CMIP: variants seen among roughly 807,000 people sequenced by gnomAD.
CMIP encodes the protein C-Maf-inducing protein.
CMIP carries 13 observed loss-of-function variants against 97.3 expected under a neutral mutation model. The observed-to-expected ratio is 0.13, with a 90% CI of 0.09 to 0.21. The LOEUF (loss-of-function observed/expected upper bound fraction) is 0.21, where lower values mean the gene tolerates loss of function less well. Ranked by LOEUF, CMIP falls within the 10% of genes least tolerant of loss-of-function variation. The pLI is 1.00. For synonymous variants in CMIP, 538 were observed against 436.3 expected (o/e 1.23, Z -2.91); for missense variants, 847 against 1,024.9 (o/e 0.83, Z 2.37).
At chr16:81,498,455 G>A (rs984093048) in intron 1 of CMIP, among the ~76,000 whole-genome samples, 23 of 152,190 alleles carry the variant, frequency 1.5e-4, no homozygotes, top group Non-Finnish European at 1.2e-4. Flanking sequence ...GGGCTGCTCG[G>A]CAGCTCTGAG....
chr16:81,551,181 T>C (rs1461434513), intron 1 of CMIP, among the ~76,000 whole-genome samples: 1 of 117,160 alleles, frequency 8.5e-6, no homozygotes, highest in Non-Finnish European at 1.8e-5. Flanking sequence ...GTCCCAGTTC[T>C]ATCACACGTA....
chr16:81,504,782 C>G (rs567858287), intron 1 of CMIP, among the ~76,000 whole-genome samples: 3 of 152,084 alleles, frequency 2.0e-5, no homozygotes, highest in African/African-American at 7.2e-5. Context: ...GAGCTTGTTA[C>G]CAGCCTCTAG....
In CMIP at chr16:81,709,937, AG is replaced by A. The variant is rs1908575174; in HGVS notation, c.*144del. On this transcript the variant is annotated 3_prime_UTR_variant, in exon 21 of 21. Coordinates refer to ENST00000537098, the MANE Select transcript of CMIP (RefSeq NM_198390.3). Reference sequence around the variant, plus strand: ...AGATGGGGAGTCTTTCTGGGGGCGGAGGGGGGAGGGGGTGGGGAGGGGGCCC... The same window carrying A: ...AGATGGGGAGTCTTTCTGGGGGCGGAGGGGGAGGGGGTGGGGAGGGGGCCC... 2 of 5,900 alleles carry A rather than the reference AG, an allele frequency of 3.4e-4. No homozygotes were observed. 0.4% of individuals were successfully genotyped at this position (5,900 alleles called of 1,614,324 possible).
chr16:81,660,279 CTT>C (rs567334323), intron 5 of CMIP, among the ~76,000 whole-genome samples: 7 of 145,250 alleles, frequency 4.8e-5, no homozygotes, highest in Admixed American at 1.4e-4. Context: ...TTTCTTTTTT[CTT>C]TTTTTTTTTT....
intron 7 of CMIP, among the ~76,000 whole-genome samples, chr16:81,668,875 ACT>A (rs1361453739): frequency 5.6e-5 from 8 of 141,746 alleles, no homozygotes; most frequent in Admixed American, 3.5e-4. Context: ...CCCACCTCAC[ACT>A]CATTGCCTTC....
chr16:81,592,522 C>A (rs1028087811), intron 1 of CMIP, among the ~76,000 whole-genome samples: 15 of 152,344 alleles, frequency 9.8e-5, no homozygotes, highest in Non-Finnish European at 2.2e-4. Context: ...CTTCCTCCTG[C>A]GGTGCCTTTG....
intron 1 of CMIP, among the ~76,000 whole-genome samples, chr16:81,537,553 A>C (rs1199581501): frequency 6.8e-5 from 9 of 132,042 alleles, no homozygotes; most frequent in African/African-American, 2.3e-4. Flanking sequence ...AGACAAAAAA[A>C]AAAAAAAAAA....
chr16:81,669,982 G>C (rs968466866), intron 7 of CMIP, among the ~76,000 whole-genome samples, 160 bp from the exon 8 acceptor site: 1 of 152,152 alleles, frequency 6.6e-6, no homozygotes, highest in Non-Finnish European at 1.5e-5. Flanking sequence ...TGAAGTAGAC[G>C]CCACCTGTGC....
At chr16:81,546,193 G>C (rs2090543151) in intron 1 of CMIP, among the ~76,000 whole-genome samples, 1 of 152,176 alleles carries the variant, frequency 6.6e-6, no homozygotes, top group South Asian at 2.1e-4. Flanking sequence ...GGGAATGGCA[G>C]CCCAGGGAAA....
chr16:81,447,241 T>TC (rs534572988), intron 1 of CMIP, among the ~76,000 whole-genome samples: 67 of 151,620 alleles, frequency 4.4e-4, no homozygotes, highest in Admixed American at 3.7e-3. Flanking sequence ...TTGGGCTTTT[T>TC]TTTTTTTTTT....
intron 1 of CMIP, among the ~76,000 whole-genome samples, chr16:81,590,872 A>C (rs116921447): frequency 6.0e-4 from 81 of 134,948 alleles, no homozygotes; most frequent in Middle Eastern, 3.6e-3. Context: ...TCCATCCATC[A>C]CATTTCTATT....
At chr16:81,546,932 G>C (rs944681618) in intron 1 of CMIP, among the ~76,000 whole-genome samples, 1 of 152,226 alleles carries the variant, frequency 6.6e-6, no homozygotes, top group Non-Finnish European at 1.5e-5. Flanking sequence ...GAGTGCCGAT[G>C]TAGAACATTC....
intron 3 of CMIP, among the ~76,000 whole-genome samples, chr16:81,626,511 A>ATG (rs770772362): frequency 7.7e-6 from 1 of 129,324 alleles, no homozygotes; most frequent in African/African-American, 3.0e-5. Context: ...GTGACTGAGC[A>ATG]TGTGTGTGTG....
At chr16:81,524,849 A>C (rs1298176540) in intron 1 of CMIP, among the ~76,000 whole-genome samples, 1 of 147,776 alleles carries the variant, frequency 6.8e-6, no homozygotes, top group African/African-American at 2.5e-5. Context: ...GCTGGAGTGC[A>C]GTGTTGCTAT....
At chr16:81,640,114 T>A (rs1460506476) in intron 3 of CMIP, among the ~76,000 whole-genome samples, 1 of 152,064 alleles carries the variant, frequency 6.6e-6, no homozygotes, top group Non-Finnish European at 1.5e-5. Flanking sequence ...GCCTCCTGGG[T>A]CCCCAGGTGG....
chr16:81,581,015 A>C (rs1260409522), intron 1 of CMIP, among the ~76,000 whole-genome samples: 2 of 152,116 alleles, frequency 1.3e-5, no homozygotes, highest in Non-Finnish European at 1.5e-5. Flanking sequence ...ATAGCAGTAC[A>C]ATCACACAGT....
intron 1 of CMIP, among the ~76,000 whole-genome samples, chr16:81,577,620 C>T (rs1382116268): frequency 1.4e-5 from 2 of 145,072 alleles, no homozygotes; most frequent in Admixed American, 6.9e-5. Context: ...ATTATTATCA[C>T]TATCACCATC....
chr16:81,703,812 G>A, intron 17 of CMIP, 127 bp from the exon 18 acceptor site: 1 of 1,338,312 alleles, frequency 7.5e-7, no homozygotes, highest in Non-Finnish European at 1.0e-6. Flanking sequence ...CAGCTCCTGG[G>A]ATTTACCGCC....
intron 1 of CMIP, among the ~76,000 whole-genome samples, chr16:81,494,637 C>T (rs1597474368): frequency 6.6e-6 from 1 of 152,258 alleles, no homozygotes; most frequent in East Asian, 1.9e-4. Context: ...GGCCGCCCCC[C>T]GATGCCTCCG....
Sources: allele counts gnomAD v4.1 joint callset (sites outside exome capture counted in the v4.1 genomes callset), GRCh38; gene constraint gnomAD v4.1.1; transcripts MANE v1.5; gene names NCBI Gene and HGNC (gene_info 2026-07-23, HGNC 2026-07-21).